The following LOXL2 variants were observed in gnomAD, a reference collection of about 807,000 sequenced individuals.
LOXL2 encodes lysyl oxidase like 2.
In LOXL2, 70 loss-of-function variants were observed where a neutral mutation model predicts 93.0. The observed-to-expected ratio is 0.75, with a 90% CI of 0.62 to 0.92. LOXL2 has a LOEUF of 0.92. Among genes scored for constraint, LOXL2 ranks in the 40% least tolerant of loss-of-function variants. LOXL2 has a pLI of 0.00. For synonymous variants in LOXL2, 438 were observed against 413.2 expected, an observed-to-expected ratio of 1.06 and a Z score of -0.73; for missense variants, 973 against 1,054.9, an observed-to-expected ratio of 0.92 and a Z score of 1.08.
intron 1 of LOXL2, among the ~76,000 whole-genome samples, chr8:23,390,404 A>G (rs1032283185): frequency 6.6e-5 from 10 of 152,242 alleles, no homozygotes; most frequent in African/African-American, 2.4e-4. Flanking sequence ...GCCCCTGGCC[A>G]AAGAGTCTAC....
rs1804801343 is a variant in LOXL2, at chr8:23,388,741, T to C, written c.-84+15213A>G. 2.0e-5 allele frequency among the ~76,000 whole-genome samples: 3 copies of C among 152,056 alleles called. No homozygotes were observed. The South Asian group carries it at 6.2e-4, about 31-fold the overall frequency. ...GCTTAATTATCTAAATAAAAAGGTGTCTTCTCATATACTGTATACATTAGG... is the reference window on the plus strand; with the variant it reads ...GCTTAATTATCTAAATAAAAAGGTGCCTTCTCATATACTGTATACATTAGG... On this transcript the variant is annotated intron_variant, in intron 1 of 13. Transcript: ENST00000389131.
intron 9 of LOXL2, among the ~76,000 whole-genome samples, chr8:23,316,099 A>G (rs1372364809): frequency 6.6e-6 from 1 of 152,154 alleles, no homozygotes; most frequent in African/African-American, 2.4e-5. Flanking sequence ...GTGAGTCTAA[A>G]AGGGGTTGGT....
intron 5 of LOXL2, chr8:23,332,107 CTGT>C (rs1803691442): frequency 6.6e-6 from 1 of 150,994 alleles, no homozygotes; most frequent in African/African-American, 2.4e-5. Context: ...TGAAATGGGG[CTGT>C]TACTTTATAT....
At chr8:23,302,251 G>A (rs1482312859) in intron 11 of LOXL2, 88 bp from the exon 12 acceptor site, 2 of 1,539,014 alleles carry the variant, frequency 1.3e-6, no homozygotes, top group Non-Finnish European at 1.8e-6. Flanking sequence ...CCCTACCGCT[G>A]CTTCATCTGG....
At chr8:23,308,472 C>T (rs866141367) in intron 10 of LOXL2, among the ~76,000 whole-genome samples, 6 of 152,190 alleles carry the variant, frequency 3.9e-5, no homozygotes, top group Non-Finnish European at 5.9e-5. Flanking sequence ...GACTAGGCCA[C>T]GCCTGTAGCC....
chr8:23,303,691 A>C (rs11135723), intron 10 of LOXL2, among the ~76,000 whole-genome samples: 45,100 of 151,968 alleles, frequency 0.3, 7,492 homozygotes, highest in East Asian at 0.59. Context: ...AGGTGAGCAG[A>C]TTAGCCAGCA....
At chr8:23,381,199 C>T (rs1394200880) in intron 1 of LOXL2, among the ~76,000 whole-genome samples, 2 of 151,410 alleles carry the variant, frequency 1.3e-5, no homozygotes, top group African/African-American at 4.9e-5. Flanking sequence ...AAACATTATG[C>T]TTTATGGAAC....
intron 1 of LOXL2, among the ~76,000 whole-genome samples, chr8:23,395,902 G>A (rs1800083041): frequency 2.0e-5 from 3 of 152,082 alleles, no homozygotes; most frequent in East Asian, 1.9e-4. Context: ...TCGAACTCCC[G>A]AGCTCAGGCA....
Position 23,350,240 on chromosome 8 carries a change from T to C in LOXL2, c.532-9037A>G, listed in dbSNP as rs555338669. Among the ~76,000 whole-genome samples the C allele has an allele frequency of 2.6e-5, 4 of 152,268 alleles. 1 individual carries two copies. In the South Asian group the frequency reaches 8.3e-4, roughly 32 times the overall value. On this transcript the variant is annotated intron_variant, in intron 3 of 13. Coordinates refer to ENST00000389131, the MANE Select transcript of LOXL2 (RefSeq NM_002318.3). ...GTACTCCAGGAGTCTGGCTATGTTG[T>C]AATTATCCCCTTTTGATGATCCAAT...
intron 10 of LOXL2, among the ~76,000 whole-genome samples, chr8:23,309,078 G>C (rs1196277519): frequency 6.6e-6 from 1 of 151,110 alleles, no homozygotes; most frequent in Non-Finnish European, 1.5e-5. Flanking sequence ...TCCGCCTCCT[G>C]GGTTCACGCC....
chr8:23,353,297 G>T (rs1454905352), intron 3 of LOXL2, among the ~76,000 whole-genome samples: 1 of 152,186 alleles, frequency 6.6e-6, no homozygotes, highest in Non-Finnish European at 1.5e-5. Flanking sequence ...TTTGGTTGGG[G>T]CTCTGTTTGC....
intron 5 of LOXL2, among the ~76,000 whole-genome samples, chr8:23,332,439 A>G (rs1441145550): frequency 8.3e-6 from 1 of 121,176 alleles, no homozygotes; most frequent in African/African-American, 3.2e-5. Context: ...CACACCCCAC[A>G]CACTCCTACA....
intron 1 of LOXL2, among the ~76,000 whole-genome samples, chr8:23,396,481 C>T (rs1453279246): frequency 6.6e-6 from 1 of 152,176 alleles, no homozygotes; most frequent in African/African-American, 2.4e-5. Flanking sequence ...GGCAGGAGTT[C>T]TCCAGGTGGA....
chr8:23,307,308 T>A lies in LOXL2; in HGVS notation c.1880+2360A>T, dbSNP rs537176877. On this transcript the variant is annotated intron_variant, in intron 10 of 13. Coordinates refer to ENST00000389131, the MANE Select transcript of LOXL2 (RefSeq NM_002318.3). The stretch of plus-strand genomic sequence containing the variant: ...TACTCCTCTTAAGGTCCCTAGGATC[T>A]TATGGTCATTGTTTCTCAGCTGTGG... Among the ~76,000 whole-genome samples the A allele has an allele frequency of 6.9e-4, 105 of 152,324 alleles. 3 individuals carry two copies. The South Asian group carries it at 0.016, about 24-fold the overall frequency.
At chr8:23,389,646 A>G (rs1804812122) in intron 1 of LOXL2, among the ~76,000 whole-genome samples, 1 of 152,216 alleles carries the variant, frequency 6.6e-6, no homozygotes, top group Admixed American at 6.5e-5. Flanking sequence ...TGTAAAAATT[A>G]TACAGTGTTT....
chr8:23,341,027 G>C lies in LOXL2; in HGVS notation c.708C>G (p.Phe236Leu). Residue 236 changes from phenylalanine to leucine, a missense_variant, in exon 4 of 14, where the codon TTC becomes TTG. Physicochemically the swap from Phe to Leu is conservative, Grantham distance 22 (BLOSUM62 0). Coordinates refer to ENST00000389131, the MANE Select transcript of LOXL2 (RefSeq NM_002318.3). ...TGGTATTGTATGTCCTCTCCCCAGG[G>C]AAGCCAAACATGCCGCAGACCACGC... is the stretch of plus-strand genomic sequence containing the variant. ...NSRVVCGMFG[F>L]PGERTYNTKV... 6.2e-7 allele frequency: 1 copy of C among 1,614,152 alleles called. No individual in the cohort carries two copies. Among genetic ancestry groups the C allele is most frequent in the Non-Finnish European group, 8.5e-7 (1 of 1,180,042 alleles).
intron 6 of LOXL2, 25 bp from the exon 7 acceptor site, chr8:23,322,306 C>T (rs1371569985): frequency 1.2e-6 from 2 of 1,601,976 alleles, no homozygotes; most frequent in African/African-American, 1.3e-5. Context: ...TAAACATGCT[C>T]TATGAAAGCT....
At chr8:23,379,428 C>G (rs1359696560) in intron 1 of LOXL2, among the ~76,000 whole-genome samples, 1 of 152,226 alleles carries the variant, frequency 6.6e-6, no homozygotes, top group Non-Finnish European at 1.5e-5. Context: ...AGATCTCAAA[C>G]TCCATGCTGG....
chr8:23,379,988 AC>A (rs1203907790), intron 1 of LOXL2, among the ~76,000 whole-genome samples: 2 of 152,158 alleles, frequency 1.3e-5, no homozygotes, highest in East Asian at 3.9e-4. Context: ...TGAACCAAGT[AC>A]CTCAGTTGGA....
Sources: gnomAD v4.1 joint callset for allele counts (sites outside exome capture counted in the v4.1 genomes callset) on GRCh38, gnomAD v4.1.1 for gene constraint, MANE v1.5 for transcripts, NCBI Gene and HGNC (gene_info 2026-07-23, HGNC 2026-07-21) for gene names.